CREB3L2: variants seen among roughly 807,000 people sequenced by gnomAD.
CREB3L2 encodes the protein cAMP responsive element binding protein 3 like 2, also known as cyclic AMP-responsive element-binding protein 3-like protein 2.
CREB3L2 carries 23 observed loss-of-function variants against 57.2 expected under a neutral mutation model. The observed-to-expected ratio is 0.40, with a 90% confidence interval of 0.29 to 0.57. The LOEUF (loss-of-function observed/expected upper bound fraction) is 0.57. CREB3L2 is among the 20% of genes least tolerant of loss of function. CREB3L2 has a pLI of 0.42. For missense variants in CREB3L2, 628 were observed against 634.7 expected (o/e 0.99, Z 0.11); for synonymous variants, 268 against 265.1 (o/e 1.01, Z -0.11).
At chr7:137,905,937 T>C in intron 5 of CREB3L2, 89 bp from the exon 6 acceptor site, 1 of 1,266,474 alleles carries the variant, frequency 7.9e-7, no homozygotes, top group Non-Finnish European at 1.1e-6. Flanking sequence ...GAGAATCTGT[T>C]ACAATGTCTT....
At chr7:137,947,869 C>G (rs1000394594) in intron 1 of CREB3L2, among the ~76,000 whole-genome samples, 2 of 152,182 alleles carry the variant, frequency 1.3e-5, no homozygotes, top group Non-Finnish European at 2.9e-5. Flanking sequence ...ACCTCCACAT[C>G]CACTTCCTTC....
At chr7:137,953,799 G>C (rs1801153204) in intron 1 of CREB3L2, among the ~76,000 whole-genome samples, 1 of 152,188 alleles carries the variant, frequency 6.6e-6, no homozygotes, top group Admixed American at 6.5e-5. Context: ...CTGGCAGCTA[G>C]ATAACCAAGA....
Position 137,901,190 on chromosome 7 carries a change from C to G in CREB3L2, c.1043+164G>C, listed in dbSNP as rs549289923. Among the ~76,000 whole-genome samples the G allele has an allele frequency of 1.1e-4, 16 of 152,262 alleles. No individual in the cohort carries two copies. The South Asian group carries it at 3.3e-3, about 32-fold the overall frequency. ...CACGTGTGCATGCGTGTGTGTGTAG[C>G]AGGAGTGGGTGGGTGGAGTTTGGCC... is the stretch of plus-strand genomic sequence containing the variant. On this transcript the variant is annotated intron_variant, in intron 8 of 11. Transcript: ENST00000330387.
intron 2 of CREB3L2, among the ~76,000 whole-genome samples, chr7:137,922,415 T>TATATATATAC (rs1491237233): frequency 1.1e-3 from 25 of 23,154 alleles, no homozygotes; most frequent in East Asian, 0.011. Context: ...TATATATATA[T>TATATATATAC]GTATATATAT....
rs141786483 is a variant in CREB3L2 at position 137,989,724 on chromosome 7, C to A, written c.102+11880G>T. Among the ~76,000 whole-genome samples, 110 of 152,232 alleles carry A rather than the reference C, an allele frequency of 7.2e-4. 1 individual carries two copies. Among genetic ancestry groups the A allele is most frequent in the African/African-American group, 2.5e-3 (104 of 41,536 alleles). On this transcript the variant is annotated intron_variant, in intron 1 of 11. Coordinates refer to ENST00000330387, the MANE Select transcript of CREB3L2 (RefSeq NM_194071.4). Reference sequence around the variant, plus strand: ...TCCTGTGAATGTTCTGCAAGTACACCAGAATTACTGTGCCTGAAAGTGAAC... The same window carrying A: ...TCCTGTGAATGTTCTGCAAGTACACAAGAATTACTGTGCCTGAAAGTGAAC...
intron 8 of CREB3L2, among the ~76,000 whole-genome samples, chr7:137,891,246 C>T (rs1380324142): frequency 1.3e-5 from 2 of 152,280 alleles, no homozygotes; most frequent in Admixed American, 6.5e-5. Context: ...TAAACCATCA[C>T]CCTGTATCTT....
At chr7:137,882,345 C>G (rs1799310731) in intron 11 of CREB3L2, 67 bp downstream of exon 11, 1 of 1,196,550 alleles carries the variant, frequency 8.4e-7, no homozygotes, top group Non-Finnish European at 1.2e-6. Flanking sequence ...CCTCACATCT[C>G]AGGTTGCTGA....
chr7:137,931,090 G>A (rs1207803151), intron 1 of CREB3L2, among the ~76,000 whole-genome samples: 2 of 151,942 alleles, frequency 1.3e-5, no homozygotes, highest in Non-Finnish European at 2.9e-5. Context: ...AAATTAGCCA[G>A]GCATGGTGGT....
intron 8 of CREB3L2, among the ~76,000 whole-genome samples, chr7:137,892,416 TGAG>T (rs1799544729): frequency 6.6e-6 from 1 of 151,550 alleles, no homozygotes; most frequent in Admixed American, 6.6e-5. Flanking sequence ...TTTGGGAGGC[TGAG>T]GTGAGCGGAT....
intron 1 of CREB3L2, among the ~76,000 whole-genome samples, chr7:137,971,484 A>G (rs1156999511): frequency 6.6e-6 from 1 of 151,822 alleles, no homozygotes; most frequent in Non-Finnish European, 1.5e-5. Flanking sequence ...GGGGGGAGAC[A>G]TTGTATGAAG....
At position 137,915,956 on chromosome 7, in the gene CREB3L2, T is replaced by C. The variant is rs755488538; in HGVS notation, c.376A>G (p.Lys126Glu). 1 of 1,614,084 alleles carries C rather than the reference T, an allele frequency of 6.2e-7. No homozygotes were observed. The highest frequency in any genetic ancestry group is 8.5e-7 in the Non-Finnish European group (1 of 1,179,982). Residue 126 changes from lysine (K) to glutamate (E), a missense_variant, in exon 3 of 12, where the codon AAG (lysine) becomes GAG (glutamate). Physicochemically the swap from Lys to Glu is moderately conservative, Grantham distance 56. Transcript: ENST00000330387. Reference sequence around the variant, plus strand: ...GGTTCGTCTGTAACTGGCTCTGTCTTGATGGATGTTGAAGGGAAGTCTGTA... The same window carrying C: ...GGTTCGTCTGTAACTGGCTCTGTCTCGATGGATGTTGAAGGGAAGTCTGTA... ...LSTDFPSTSI[K>E]TEPVTDEPPP...
chr7:137,926,209 G>C (rs1162971540), intron 2 of CREB3L2, among the ~76,000 whole-genome samples: 3 of 152,152 alleles, frequency 2.0e-5, no homozygotes, highest in Non-Finnish European at 2.9e-5. Flanking sequence ...AATACCATTT[G>C]ACCCAGCAAT....
At chr7:137,960,363 A>C (rs559568272) in intron 1 of CREB3L2, among the ~76,000 whole-genome samples, 2 of 152,342 alleles carry the variant, frequency 1.3e-5, no homozygotes, top group East Asian at 3.9e-4. Context: ...AGTGACTATA[A>C]GTAAATGCAG....
intron 1 of CREB3L2, among the ~76,000 whole-genome samples, chr7:137,996,905 C>T (rs57964278): frequency 0.035 from 5,261 of 152,242 alleles, 317 homozygotes; most frequent in African/African-American, 0.12. Flanking sequence ...TTTTATGATA[C>T]ACTTTTTTAA....
rs1799427732 is a variant in CREB3L2 at position 137,886,727 on chromosome 7, A to G, written c.1044-1225T>C. Among the ~76,000 whole-genome samples the G allele has an allele frequency of 6.6e-5, 9 of 136,378 alleles. No individual in the cohort carries two copies. In the South Asian group the frequency reaches 2.0e-3, roughly 30 times the overall value. The allele number at this position is 136,378 out of a possible 152,430, so 89.5% of individuals were successfully genotyped here. Reference sequence around the variant, plus strand: ...AAAAAGACAAGAGAGCAAGAGCAGAAAAAAAAAAAGGAGACGTTTTATCCC... The same window carrying G: ...AAAAAGACAAGAGAGCAAGAGCAGAGAAAAAAAAAGGAGACGTTTTATCCC... On this transcript the variant is annotated intron_variant, in intron 8 of 11. Coordinates refer to ENST00000330387, the MANE Select transcript of CREB3L2 (RefSeq NM_194071.4).
chr7:137,928,671 C>G (rs1456732616), intron 1 of CREB3L2, among the ~76,000 whole-genome samples: 2 of 152,136 alleles, frequency 1.3e-5, no homozygotes, highest in African/African-American at 2.4e-5. Context: ...GGCTGGGACC[C>G]CTGGACACTT....
At chr7:137,924,599 T>C (rs998361424) in intron 2 of CREB3L2, among the ~76,000 whole-genome samples, 1 of 152,194 alleles carries the variant, frequency 6.6e-6, no homozygotes, top group Non-Finnish European at 1.5e-5. Context: ...TGCTTCTGCG[T>C]TTCTCTCTTA....
Position 138,001,546 on chromosome 7 carries a change from C to A in CREB3L2, c.102+58G>T. ...GGGTCCCAGGACTCCAGCTGCTCCT[C>A]GCGTGACAACACTTGCCCGCTTTGA... On this transcript the variant is annotated intron_variant, in intron 1 of 11. Transcript: ENST00000330387. The surrounding 1 kb of genome is among the most constrained non-coding windows in gnomAD (Gnocchi z 4.2). 3 of 1,347,062 alleles carry A rather than the reference C, an allele frequency of 2.2e-6. No individual in the cohort carries two copies. The highest frequency in any genetic ancestry group is 2.1e-6 in the Non-Finnish European group (2 of 964,408). 83.4% of individuals were successfully genotyped at this position (1,347,062 alleles called of 1,614,324 possible).
chr7:137,944,901 TA>T (rs1240800178), intron 1 of CREB3L2, among the ~76,000 whole-genome samples: 1 of 152,176 alleles, frequency 6.6e-6, no homozygotes, highest in African/African-American at 2.4e-5. Context: ...TTTTATTTTT[TA>T]TTTTTTTTGA....
Sources: allele counts gnomAD v4.1 joint callset (sites outside exome capture counted in the v4.1 genomes callset), GRCh38; gene constraint gnomAD v4.1.1; non-coding constraint Gnocchi (gnomAD v3.1); transcripts MANE v1.5; gene names NCBI Gene and HGNC (gene_info 2026-07-23, HGNC 2026-07-21).